CNTNAP4: variants seen among roughly 807,000 people sequenced by gnomAD.
CNTNAP4 encodes contactin-associated protein-like 4.
Under a neutral mutation model 148.4 loss-of-function variants are expected in CNTNAP4, and 98 were observed. The ratio of observed to expected loss-of-function variants is 0.66; its 90% CI spans 0.56 to 0.78. The LOEUF (loss-of-function observed/expected upper bound fraction) is 0.78. CNTNAP4 is among the 30% of genes least tolerant of loss of function. The pLI, the probability that CNTNAP4 is intolerant of heterozygous loss-of-function variation, is 0.00. For missense variants in CNTNAP4, 1,935 were observed against 1,565.6 expected (o/e 1.24, Z -3.98); for synonymous variants, 730 against 565.1 (o/e 1.29, Z -4.14).
chr16:76,492,603 G>C (rs146086546), intron 13 of CNTNAP4, among the ~76,000 whole-genome samples: 2 of 152,100 alleles, frequency 1.3e-5, no homozygotes, highest in African/African-American at 4.8e-5. Flanking sequence ...ACGTGTCAAG[G>C]GCGGGGCCAG....
Position 76,369,497 on chromosome 16 carries a change from A to T in CNTNAP4, c.390+13986A>T, listed in dbSNP as rs7187266. On this transcript the variant is annotated intron_variant, in intron 3 of 23. Transcript: ENST00000611870. ...TAATTTAGTCTAAGTCTGAAGACCC[A>T]AGGACCAGAAGCTCAGATGTCCAAA... Among the ~76,000 whole-genome samples the T allele has an allele frequency of 1.5e-3, 225 of 152,006 alleles. 1 individual carries two copies. The highest frequency in any genetic ancestry group is 5.3e-3 in the African/African-American group (219 of 41,414).
At chr16:76,467,230 TTCCCTC>T in intron 9 of CNTNAP4, 116 bp from the exon 10 acceptor site, 1 of 810,258 alleles carries the variant, frequency 1.2e-6, no homozygotes, top group East Asian at 2.7e-5. Context: ...GCAGTCATTA[TTCCCTC>T]CTTTAATACA....
chr16:76,548,032 A>G (rs942885513), intron 21 of CNTNAP4, among the ~76,000 whole-genome samples: 5 of 152,252 alleles, frequency 3.3e-5, no homozygotes, highest in African/African-American at 1.2e-4. Flanking sequence ...CAAAAGGGAA[A>G]TACCTGCCAC....
At chr16:76,426,720 A>G (rs1568121739) in intron 3 of CNTNAP4, among the ~76,000 whole-genome samples, 2 of 151,332 alleles carry the variant, frequency 1.3e-5, no homozygotes, top group African/African-American at 2.4e-5. Context: ...CACTGGAGGG[A>G]TTTTTTTTTC....
At chr16:76,437,161 G>A (rs1438626360) in intron 4 of CNTNAP4, among the ~76,000 whole-genome samples, 1 of 151,994 alleles carries the variant, frequency 6.6e-6, no homozygotes, top group Non-Finnish European at 1.5e-5. Flanking sequence ...TAGGCGGGGA[G>A]GCTAAGCCAG....
chr16:76,316,397 T>C lies in CNTNAP4; in HGVS notation c.86-16T>C, dbSNP rs774018870. 4 of 1,586,624 alleles carry C rather than the reference T, an allele frequency of 2.5e-6. No individual in the cohort carries two copies. In the South Asian group the frequency reaches 4.4e-5, roughly 18 times the overall value. Reference sequence around the variant, plus strand: ...AGCACTAACTAACCCTAACGTGGCATTGTTCCTCCTGGCAGATGACTGTGA... The same window carrying C: ...AGCACTAACTAACCCTAACGTGGCACTGTTCCTCCTGGCAGATGACTGTGA... On this transcript the variant is annotated splice_polypyrimidine_tract_variant and intron_variant, in intron 1 of 23. Coordinates refer to ENST00000611870, the MANE Select transcript of CNTNAP4 (RefSeq NM_033401.5).
In CNTNAP4 at chr16:76,507,721, A is replaced by G. The variant is rs1221498258; in HGVS notation, c.2365+9027A>G. ...CTGTAGTTGCAGTATGTTCAGAACCAGAAACAGAGTTTCAGAGTAGAAGCC... is the reference window on the plus strand; with the variant it reads ...CTGTAGTTGCAGTATGTTCAGAACCGGAAACAGAGTTTCAGAGTAGAAGCC... On this transcript the variant is annotated intron_variant, in intron 15 of 23. Coordinates refer to ENST00000611870, the MANE Select transcript of CNTNAP4 (RefSeq NM_033401.5). Among the ~76,000 whole-genome samples the G allele has an allele frequency of 2.0e-5, 2 of 97,782 alleles. 1 individual carries two copies. The highest frequency in any genetic ancestry group is 5.1e-5 in the African/African-American group (2 of 38,958). The allele number at this position is 97,782 out of a possible 152,430, so 64.1% of individuals were successfully genotyped here.
At chr16:76,482,407 A>T (rs1237908325) in intron 12 of CNTNAP4, among the ~76,000 whole-genome samples, 1 of 151,004 alleles carries the variant, frequency 6.6e-6, no homozygotes, top group Non-Finnish European at 1.5e-5. Flanking sequence ...TTTAAGGTGA[A>T]AGATCATAAG....
At chr16:76,396,337 G>A (rs888638701) in intron 3 of CNTNAP4, among the ~76,000 whole-genome samples, 1 of 152,132 alleles carries the variant, frequency 6.6e-6, no homozygotes, top group African/African-American at 2.4e-5. Flanking sequence ...ACACCTATAG[G>A]CACACTAAGT....
At chr16:76,549,363 T>TG (rs776422743) in intron 21 of CNTNAP4, among the ~76,000 whole-genome samples, 1 of 152,148 alleles carries the variant, frequency 6.6e-6, no homozygotes, top group Non-Finnish European at 1.5e-5. Context: ...CTTAGGGCTG[T>TG]GGCCTGCAGC....
rs1597774749 is a variant in CNTNAP4, at chr16:76,507,704, G to A, written c.2365+9010G>A. Among the ~76,000 whole-genome samples the A allele has an allele frequency of 8.2e-5, 8 of 97,988 alleles. 3 individuals are homozygous for A. Among genetic ancestry groups the A allele is most frequent in the Admixed American group, 8.0e-4 (8 of 10,044 alleles). The allele number at this position is 97,988 out of a possible 152,430, so 64.3% of individuals were successfully genotyped here. On this transcript the variant is annotated intron_variant, in intron 15 of 23. Coordinates refer to ENST00000611870, the MANE Select transcript of CNTNAP4 (RefSeq NM_033401.5). ...CTGCCCAAGTGTTCTAACTGTAGTTGCAGTATGTTCAGAACCAGAAACAGA... is the reference window on the plus strand; with the variant it reads ...CTGCCCAAGTGTTCTAACTGTAGTTACAGTATGTTCAGAACCAGAAACAGA...
intron 2 of CNTNAP4, among the ~76,000 whole-genome samples, chr16:76,346,811 C>G (rs1171029432): frequency 1.3e-5 from 2 of 152,104 alleles, no homozygotes; most frequent in African/African-American, 4.8e-5. Context: ...ATACACAAAT[C>G]AAAATGCCTG....
chr16:76,420,760 G>C (rs2079162732), intron 3 of CNTNAP4, among the ~76,000 whole-genome samples: 1 of 151,960 alleles, frequency 6.6e-6, no homozygotes, highest in African/African-American at 2.4e-5. Flanking sequence ...TAAAGAGAAA[G>C]CCTCAAATGC....
intron 1 of CNTNAP4, among the ~76,000 whole-genome samples, chr16:76,315,826 A>G (rs747981): frequency 0.37 from 56,288 of 151,660 alleles, 11,382 homozygotes; most frequent in African/African-American, 0.51. Flanking sequence ...AACTCCTGAC[A>G]TCCAGTAATG....
Position 76,535,588 on chromosome 16 carries a change from G to C in CNTNAP4, c.2799G>C (p.Arg933=). The C allele has an allele frequency of 6.2e-7, 1 of 1,612,824 alleles. No individual in the cohort carries two copies. The highest frequency in any genetic ancestry group is 1.1e-5 in the South Asian group (1 of 91,012). Residue 933 remains arginine (R), a synonymous_variant, in exon 18 of 24, where the codon CGG becomes CGC. Coordinates refer to ENST00000611870, the MANE Select transcript of CNTNAP4 (RefSeq NM_033401.5). The part of the protein sequence containing the change: ...TRQRGFLGCI[R]SLQLNGMTLD... Reference sequence around the variant, plus strand: ...AGAGAGGCTTTCTGGGCTGCATTCGGTCTCTGCAGTTGAATGGGATGACCC... The same window carrying C: ...AGAGAGGCTTTCTGGGCTGCATTCGCTCTCTGCAGTTGAATGGGATGACCC...
intron 16 of CNTNAP4, 126 bp downstream of exon 16, chr16:76,521,436 A>T: frequency 1.4e-6 from 1 of 692,824 alleles, no homozygotes; most frequent in Non-Finnish European, 2.3e-6. Context: ...CCCTTTGAAA[A>T]ACTCAATAAT....
At chr16:76,397,484 C>T (rs1345165912) in intron 3 of CNTNAP4, among the ~76,000 whole-genome samples, 1 of 151,918 alleles carries the variant, frequency 6.6e-6, no homozygotes, top group Non-Finnish European at 1.5e-5. Context: ...GGAAAAGAAG[C>T]TTTGGAGTGT....
At chr16:76,348,974 A>C (rs547331328) in intron 2 of CNTNAP4, among the ~76,000 whole-genome samples, 158 of 152,280 alleles carry the variant, frequency 1.0e-3, no homozygotes, top group African/African-American at 3.7e-3. Context: ...AGAATATAAA[A>C]ATAATGAAGC....
At chr16:76,321,901 C>G (rs2216743) in intron 2 of CNTNAP4, among the ~76,000 whole-genome samples, 28,587 of 151,126 alleles carry the variant, frequency 0.19, 3,569 homozygotes, top group East Asian at 0.51. Context: ...AACTTTTGTA[C>G]AGGATTGAAA....
Sources: gnomAD v4.1 joint callset for allele counts (sites outside exome capture counted in the v4.1 genomes callset) on GRCh38, gnomAD v4.1.1 for gene constraint, MANE v1.5 for transcripts, NCBI Gene and HGNC (gene_info 2026-07-23, HGNC 2026-07-21) for gene names.